Variants in ARHGAP15 observed in about 807,000 individuals in gnomAD.
The protein encoded by ARHGAP15 is Rho GTPase activating protein 15.
Under a neutral mutation model 63.7 loss-of-function variants are expected in ARHGAP15, and 51 were observed. The ratio of observed to expected loss-of-function variants is 0.80; its 90% CI spans 0.64 to 1.01. The LOEUF (loss-of-function observed/expected upper bound fraction) is 1.01, where lower values mean the gene tolerates loss of function less well. Among genes scored for constraint, ARHGAP15 ranks in the 50% least tolerant of loss-of-function variants. The pLI is 0.00. For synonymous variants in ARHGAP15, 191 were observed against 193.8 expected (o/e 0.99, Z 0.12); for missense variants, 560 against 564.6 (o/e 0.99, Z 0.08).
intron 11 of ARHGAP15, among the ~76,000 whole-genome samples, chr2:143,577,930 A>C (rs1043920186): frequency 5.3e-5 from 8 of 152,178 alleles, no homozygotes; most frequent in Non-Finnish European, 8.8e-5. Context: ...TTAAGACAAA[A>C]AATGCCAGAC....
intron 6 of ARHGAP15, chr2:143,305,376 G>A (rs993145194): frequency 1.3e-5 from 2 of 152,034 alleles, no homozygotes; most frequent in Non-Finnish European, 2.9e-5. Context: ...TAATGTAGAT[G>A]ACGAGTTGAT....
At chr2:143,371,716 A>G (rs1005703876) in intron 6 of ARHGAP15, among the ~76,000 whole-genome samples, 1 of 152,118 alleles carries the variant, frequency 6.6e-6, no homozygotes. Flanking sequence ...ATTACAACCA[A>G]TATTATACTT....
At chr2:143,621,142 A>G (rs556945502) in intron 11 of ARHGAP15, among the ~76,000 whole-genome samples, 20 of 152,292 alleles carry the variant, frequency 1.3e-4, no homozygotes, top group East Asian at 3.9e-4. Flanking sequence ...TGCTACTGGC[A>G]TCTATTAGAT....
At chr2:143,336,732 C>A (rs181529783) in intron 6 of ARHGAP15, among the ~76,000 whole-genome samples, 1 of 152,258 alleles carries the variant, frequency 6.6e-6, no homozygotes, top group African/African-American at 2.4e-5. Flanking sequence ...GTATGAAAAT[C>A]ATTCTTAATA....
intron 1 of ARHGAP15, among the ~76,000 whole-genome samples, chr2:143,144,086 G>A (rs761895937): frequency 5.3e-5 from 8 of 152,142 alleles, no homozygotes; most frequent in Non-Finnish European, 5.9e-5. Context: ...AACCTGCAAA[G>A]GACATGATCT....
intron 1 of ARHGAP15, among the ~76,000 whole-genome samples, chr2:143,136,878 G>A (rs967927470): frequency 1.3e-5 from 2 of 152,006 alleles, no homozygotes; most frequent in East Asian, 3.8e-4. Flanking sequence ...GAATGAATTA[G>A]ATATTAAGCA....
chr2:143,515,685 G>A (rs1161156110), intron 9 of ARHGAP15, among the ~76,000 whole-genome samples: 2 of 152,120 alleles, frequency 1.3e-5, no homozygotes, highest in African/African-American at 4.8e-5. Context: ...TTGCAGAGCA[G>A]GTAAAAATCA....
chr2:143,459,082 T>A (rs940067195), intron 8 of ARHGAP15, among the ~76,000 whole-genome samples: 3 of 152,134 alleles, frequency 2.0e-5, no homozygotes, highest in African/African-American at 7.2e-5. Context: ...TTAAGAGTTT[T>A]TAAGGTTGCT....
intron 10 of ARHGAP15, among the ~76,000 whole-genome samples, chr2:143,528,326 T>C (rs1694369908): frequency 6.6e-6 from 1 of 152,042 alleles, no homozygotes; most frequent in African/African-American, 2.4e-5. Flanking sequence ...TGGAATGCCA[T>C]GTTAGTGCTG....
chr2:143,490,211 G>A (rs1164384168), intron 9 of ARHGAP15, among the ~76,000 whole-genome samples: 1 of 152,140 alleles, frequency 6.6e-6, no homozygotes, highest in Non-Finnish European at 1.5e-5. Flanking sequence ...GTGTTAGCCA[G>A]GATGGTCTCA....
At chr2:143,253,117 T>C (rs1347567227) in intron 6 of ARHGAP15, among the ~76,000 whole-genome samples, 1 of 152,014 alleles carries the variant, frequency 6.6e-6, no homozygotes, top group African/African-American at 2.4e-5. Flanking sequence ...GAATTATAGA[T>C]TACAGATAGC....
At chr2:143,547,658 T>A (rs1409844246) in intron 10 of ARHGAP15, among the ~76,000 whole-genome samples, 1 of 150,436 alleles carries the variant, frequency 6.6e-6, no homozygotes, top group Non-Finnish European at 1.5e-5. Flanking sequence ...GTGGTTTTAC[T>A]CCTGTATCCA....
rs1559149813 is a variant in ARHGAP15, at chr2:143,730,944, T to TA, written c.1244+27420_1244+27421insA. 7.1e-3 allele frequency among the ~76,000 whole-genome samples: 28 copies of TA among 3,926 alleles called. 1 individual carries two copies. The highest frequency in any genetic ancestry group is 0.053 in the South Asian group (6 of 114). 2.6% of individuals were successfully genotyped at this position (3,926 alleles called of 152,430 possible). ...GGGAAAAAGGCTTTTTTTTTTTTTT[T>TA]TTGATTCAGTGTGCACAGAATTTAT... On this transcript the variant is annotated intron_variant, in intron 13 of 13. Transcript: ENST00000295095.
intron 2 of ARHGAP15, among the ~76,000 whole-genome samples, chr2:143,156,859 T>TGCTTTTAAACCA (rs1690100972): frequency 6.6e-6 from 1 of 151,982 alleles, no homozygotes; most frequent in African/African-American, 2.4e-5. Flanking sequence ...AGCCTGACTT[T>TGCTTTTAAACCA]GCTTTTAAAC....
chr2:143,334,820 G>A (rs1684700020), intron 6 of ARHGAP15, among the ~76,000 whole-genome samples: 2 of 152,202 alleles, frequency 1.3e-5, no homozygotes, highest in African/African-American at 4.8e-5. Context: ...AGCCAGGCGT[G>A]GTGGCTCATG....
chr2:143,301,890 A>G (rs1682919357), intron 6 of ARHGAP15, among the ~76,000 whole-genome samples: 1 of 151,932 alleles, frequency 6.6e-6, no homozygotes, highest in Non-Finnish European at 1.5e-5. Context: ...GAGACAGATG[A>G]TAGAGACATA....
At chr2:143,244,345 A>G (rs1249323632) in intron 5 of ARHGAP15, among the ~76,000 whole-genome samples, 1 of 152,214 alleles carries the variant, frequency 6.6e-6, no homozygotes, top group Middle Eastern at 3.2e-3. Flanking sequence ...TATGTTTCAA[A>G]GTAGGGGAAA....
At chr2:143,605,856 T>TAAAA (rs1697976875) in intron 11 of ARHGAP15, among the ~76,000 whole-genome samples, 2 of 10,516 alleles carry the variant, frequency 1.9e-4, no homozygotes, top group African/African-American at 5.2e-4. Flanking sequence ...TCTACTAAAA[T>TAAAA]ACAAAAAAAA....
chr2:143,422,986 A>G (rs1688991889), intron 6 of ARHGAP15, among the ~76,000 whole-genome samples: 1 of 152,144 alleles, frequency 6.6e-6, no homozygotes, highest in Admixed American at 6.6e-5. Flanking sequence ...GGGTTATAGC[A>G]AAGGTCTTTA....
Sources: gnomAD v4.1 joint callset for allele counts (sites outside exome capture counted in the v4.1 genomes callset) on GRCh38, gnomAD v4.1.1 for gene constraint, MANE v1.5 for transcripts, NCBI Gene and HGNC (gene_info 2026-07-23, HGNC 2026-07-21) for gene names.